The following GABRB3 variants were observed in gnomAD, a reference collection of about 807,000 sequenced individuals.
The protein encoded by GABRB3 is gamma-aminobutyric acid receptor subunit beta-3.
A neutral mutation model predicts 52.1 loss-of-function variants in GABRB3; 14 were observed. The observed-to-expected ratio is 0.27, with a 90% CI of 0.18 to 0.42. The LOEUF (loss-of-function observed/expected upper bound fraction) is 0.42, where lower values mean the gene tolerates loss of function less well. Among genes scored for constraint, GABRB3 ranks in the 10% least tolerant of loss-of-function variants. The pLI is 1.00. For synonymous variants in GABRB3, 260 were observed against 232.3 expected, an observed-to-expected ratio of 1.12 and a Z score of -1.08; for missense variants, 307 against 609.1, an observed-to-expected ratio of 0.50 and a Z score of 5.22.
At position 26,605,987 on chromosome 15, in the gene GABRB3, G is replaced by A. The variant is rs558084095; in HGVS notation, c.461+15327C>T. Among the ~76,000 whole-genome samples the A allele has an allele frequency of 1.8e-3, 281 of 152,226 alleles. 1 individual carries two copies. Among genetic ancestry groups the A allele is most frequent in the Non-Finnish European group, 3.5e-3 (235 of 68,008 alleles). On this transcript the variant is annotated intron_variant, in intron 4 of 8. Coordinates refer to ENST00000311550, the MANE Select transcript of GABRB3 (RefSeq NM_000814.6). ...GGCACGTCTTACATGGTCAGAACAT[G>A]GGGAAGAGAGAGCAAATGGGAAGGT...
At chr15:26,713,569 CAG>C (rs1889371443) in intron 3 of GABRB3, among the ~76,000 whole-genome samples, 1 of 152,066 alleles carries the variant, frequency 6.6e-6, no homozygotes, top group Non-Finnish European at 1.5e-5. Flanking sequence ...GGAAAAACAT[CAG>C]AGATATGCAT....
chr15:26,684,097 G>C (rs1888326121), intron 3 of GABRB3, among the ~76,000 whole-genome samples: 1 of 152,148 alleles, frequency 6.6e-6, no homozygotes, highest in African/African-American at 2.4e-5. Context: ...TAGGTTAATA[G>C]ACTGACTTAC....
intron 3 of GABRB3, among the ~76,000 whole-genome samples, chr15:26,684,127 T>A (rs1427037657): frequency 6.6e-6 from 1 of 152,106 alleles, no homozygotes; most frequent in Non-Finnish European, 1.5e-5. Context: ...AGCTCCACAC[T>A]CTCATTTTGC....
At position 26,596,920 on chromosome 15, in the gene GABRB3, A is replaced by T. The variant is rs117044118; in HGVS notation, c.462-13506T>A. Reference sequence around the variant, plus strand: ...CGTGCATCTGAAGAAAGTGAGAACCATGTTGCTAGAGGGAACTCTCTGAAG... The same window carrying T: ...CGTGCATCTGAAGAAAGTGAGAACCTTGTTGCTAGAGGGAACTCTCTGAAG... On this transcript the variant is annotated intron_variant, in intron 4 of 8. Transcript: ENST00000311550. 1.9e-3 allele frequency among the ~76,000 whole-genome samples: 295 copies of T among 152,296 alleles called. 5 individuals are homozygous for T. In the East Asian group the frequency reaches 0.036, roughly 19 times the overall value.
chr15:26,639,864 T>C (rs1038977699), intron 3 of GABRB3, among the ~76,000 whole-genome samples: 1 of 152,244 alleles, frequency 6.6e-6, no homozygotes. Context: ...TCAGTGATGA[T>C]GCACACATAT....
At chr15:26,751,110 C>T (rs1050373934) in intron 3 of GABRB3, among the ~76,000 whole-genome samples, 4 of 152,088 alleles carry the variant, frequency 2.6e-5, no homozygotes, top group Admixed American at 6.5e-5. Context: ...AATGCTGAAA[C>T]TATGTGATGC....
At chr15:26,754,616 T>A (rs1890606588) in intron 3 of GABRB3, among the ~76,000 whole-genome samples, 1 of 152,196 alleles carries the variant, frequency 6.6e-6, no homozygotes, top group Non-Finnish European at 1.5e-5. Flanking sequence ...TGACTTTTTT[T>A]TTCTCATTAA....
intron 3 of GABRB3, among the ~76,000 whole-genome samples, chr15:26,737,365 T>G (rs757164939): frequency 6.6e-6 from 1 of 152,136 alleles, no homozygotes; most frequent in Non-Finnish European, 1.5e-5. Flanking sequence ...ACTATATAAA[T>G]GAAAACATTT....
intron 3 of GABRB3, among the ~76,000 whole-genome samples, chr15:26,764,190 AT>A: frequency 1.8e-4 from 1 of 5,586 alleles, no homozygotes; most frequent in African/African-American, 9.0e-4. Flanking sequence ...ATATATATAT[AT>A]ATATATATAT....
intron 6 of GABRB3, among the ~76,000 whole-genome samples, chr15:26,573,162 G>A (rs1890469599): frequency 6.6e-6 from 1 of 152,124 alleles, no homozygotes; most frequent in Admixed American, 6.5e-5. Context: ...AGCTGCCATG[G>A]TGAGGCACTC....
chr15:26,753,652 CTT>C (rs1890577884), intron 3 of GABRB3, among the ~76,000 whole-genome samples: 1 of 152,162 alleles, frequency 6.6e-6, no homozygotes, highest in African/African-American at 2.4e-5. Context: ...TGGCCAGTCT[CTT>C]TTAAATACAG....
chr15:26,672,049 T>A (rs1251687265), intron 3 of GABRB3, among the ~76,000 whole-genome samples: 1 of 152,232 alleles, frequency 6.6e-6, no homozygotes, highest in Non-Finnish European at 1.5e-5. Context: ...ATCCTTCTTG[T>A]TTTTTCTTAA....
At chr15:26,693,469 C>G (rs1167225665) in intron 3 of GABRB3, among the ~76,000 whole-genome samples, 1 of 151,548 alleles carries the variant, frequency 6.6e-6, no homozygotes, top group Non-Finnish European at 1.5e-5. Flanking sequence ...GGAGTTCCAC[C>G]AGAGCGGTAT....
intron 6 of GABRB3, among the ~76,000 whole-genome samples, chr15:26,571,420 C>G (rs966197349): frequency 2.0e-5 from 3 of 152,284 alleles, no homozygotes; most frequent in Non-Finnish European, 2.9e-5. Flanking sequence ...AGTCTCATTG[C>G]CAACTTTTAT....
chr15:26,703,948 G>A (rs530877457), intron 3 of GABRB3, among the ~76,000 whole-genome samples: 3 of 152,236 alleles, frequency 2.0e-5, no homozygotes, highest in Admixed American at 6.5e-5. Context: ...CCAGGCTGGC[G>A]TTGCATATTG....
intron 4 of GABRB3, among the ~76,000 whole-genome samples, chr15:26,592,110 T>C (rs1395047550): frequency 6.6e-6 from 1 of 152,138 alleles, no homozygotes; most frequent in African/African-American, 2.4e-5. Context: ...ACGTAAGCTG[T>C]CACAGCTGGA....
At chr15:26,655,205 C>T (rs779244630) in intron 3 of GABRB3, among the ~76,000 whole-genome samples, 2 of 152,116 alleles carry the variant, frequency 1.3e-5, no homozygotes, top group African/African-American at 4.8e-5. Context: ...GTGCTGCATG[C>T]TTCACATTAT....
chr15:26,583,808 T>G (rs1358627702), intron 4 of GABRB3, among the ~76,000 whole-genome samples: 1 of 149,508 alleles, frequency 6.7e-6, no homozygotes, highest in Non-Finnish European at 1.5e-5. Context: ...AGAGTCTTGC[T>G]CTGTCGCCCA....
chr15:26,564,420 G>A (rs973267591), intron 7 of GABRB3, among the ~76,000 whole-genome samples: 2 of 152,158 alleles, frequency 1.3e-5, no homozygotes. Flanking sequence ...CAGAGCAGCC[G>A]AGGAGCACGG....
Sources: allele counts gnomAD v4.1 joint callset (sites outside exome capture counted in the v4.1 genomes callset), GRCh38; gene constraint gnomAD v4.1.1; transcripts MANE v1.5; gene names NCBI Gene and HGNC (gene_info 2026-07-23, HGNC 2026-07-21).